The following KCNIP4 variants were observed in gnomAD, a reference collection of about 807,000 sequenced individuals.
The protein encoded by KCNIP4 is potassium voltage-gated channel interacting protein 4, also known as Kv channel-interacting protein 4.
A neutral mutation model predicts 34.0 loss-of-function variants in KCNIP4; 12 were observed. That is an observed-to-expected ratio of 0.35 (90% CI 0.23 to 0.57). The LOEUF is 0.57. Ranked by LOEUF, KCNIP4 falls within the 20% of genes least tolerant of loss-of-function variation. KCNIP4 has a pLI of 0.83. For missense variants in KCNIP4, 238 were observed against 311.7 expected, an observed-to-expected ratio of 0.76 and a Z score of 1.78; for synonymous variants, 124 against 102.2, an observed-to-expected ratio of 1.21 and a Z score of -1.29.
At chr4:21,312,641 T>C (rs1713309853) in intron 1 of KCNIP4, among the ~76,000 whole-genome samples, 1 of 152,226 alleles carries the variant, frequency 6.6e-6, no homozygotes, top group East Asian at 1.9e-4. Context: ...TTTAAACAGA[T>C]TGGGAATAGA....
At chr4:21,596,048 T>C (rs1311008276) in intron 1 of KCNIP4, among the ~76,000 whole-genome samples, 1 of 152,088 alleles carries the variant, frequency 6.6e-6, no homozygotes, top group Non-Finnish European at 1.5e-5. Context: ...GACACTTAGT[T>C]TGTCCTTAGC....
At chr4:20,985,502 G>A (rs183525647) in intron 1 of KCNIP4, among the ~76,000 whole-genome samples, 56 of 152,178 alleles carry the variant, frequency 3.7e-4, no homozygotes, top group African/African-American at 1.3e-3. Flanking sequence ...GCATGAAGAG[G>A]TTAACTGACT....
chr4:20,812,921 T>C lies in KCNIP4; in HGVS notation c.288+37622A>G, dbSNP rs1449302987. Reference sequence around the variant, plus strand: ...TCTGGGACTGCGTACCTCCAATTTCTTGTTTGTGTGTGAGTGTGTGTGTGT... The same window carrying C: ...TCTGGGACTGCGTACCTCCAATTTCCTGTTTGTGTGTGAGTGTGTGTGTGT... On this transcript the variant is annotated intron_variant, in intron 3 of 8. Transcript: ENST00000382152. Among the ~76,000 whole-genome samples, 4 of 137,164 alleles carry C rather than the reference T, an allele frequency of 2.9e-5. No individual in the cohort carries two copies. In the South Asian group the frequency reaches 7.3e-4, roughly 25 times the overall value. The allele number at this position is 137,164 out of a possible 152,430, so 90.0% of individuals were successfully genotyped here. A position where few individuals can be genotyped will look rare whatever the true frequency, so the allele number is the denominator to read the frequency against.
intron 1 of KCNIP4, among the ~76,000 whole-genome samples, chr4:21,306,824 T>C (rs920275486): frequency 1.3e-5 from 2 of 151,992 alleles, no homozygotes; most frequent in Non-Finnish European, 2.9e-5. Flanking sequence ...GCAGGAACTT[T>C]TTTTTTTTTT....
rs536038450 is a variant in KCNIP4, at chr4:20,781,916, C to G, written c.289-23026G>C. On this transcript the variant is annotated intron_variant, in intron 3 of 8. Transcript: ENST00000382152. ...CTGAGGAAAGGCAAGTCCCTTCTGC[C>G]TATGAGCCTGTAAAATCACAAGCAA... is the stretch of plus-strand genomic sequence containing the variant. 7.2e-5 allele frequency among the ~76,000 whole-genome samples: 11 copies of G among 152,236 alleles called. 1 individual carries two copies. The East Asian group carries it at 2.1e-3, about 29-fold the overall frequency.
intron 1 of KCNIP4, among the ~76,000 whole-genome samples, chr4:21,482,410 T>C (rs528914744): frequency 1.3e-5 from 2 of 152,198 alleles, no homozygotes; most frequent in Non-Finnish European, 2.9e-5. Flanking sequence ...CTAGCCTTGA[T>C]GGTCTTTACA....
intron 1 of KCNIP4, among the ~76,000 whole-genome samples, chr4:21,463,163 T>A (rs1040621255): frequency 6.6e-6 from 1 of 152,136 alleles, no homozygotes; most frequent in African/African-American, 2.4e-5. Context: ...TTTCTCCACA[T>A]CCTTCCCAAC....
At chr4:21,394,731 G>C (rs886107043) in intron 1 of KCNIP4, among the ~76,000 whole-genome samples, 1 of 152,076 alleles carries the variant, frequency 6.6e-6, no homozygotes, top group Non-Finnish European at 1.5e-5. Flanking sequence ...GCTCCCTATA[G>C]ATCATCCTTT....
At chr4:21,339,016 C>T (rs888530508) in intron 1 of KCNIP4, among the ~76,000 whole-genome samples, 4 of 152,054 alleles carry the variant, frequency 2.6e-5, no homozygotes, top group East Asian at 1.9e-4. Flanking sequence ...TAAACACCAC[C>T]GAGCTTATGT....
intron 1 of KCNIP4, among the ~76,000 whole-genome samples, chr4:21,190,598 T>C (rs965542930): frequency 3.3e-5 from 5 of 152,040 alleles, no homozygotes; most frequent in Non-Finnish European, 5.9e-5. Flanking sequence ...GAAAGATGAA[T>C]GAAACCCAAA....
chr4:21,715,090 T>TTTATTTTATTTTATTTTATTTTATTTTA (rs1553924052), intron 1 of KCNIP4, among the ~76,000 whole-genome samples: 1 of 17,364 alleles, frequency 5.8e-5, no homozygotes, highest in Non-Finnish European at 7.9e-5. Flanking sequence ...TTTTATTTTA[T>TTTATTTTATTTTATTTTATTTTATTTTA]TTATTTTTGA....
chr4:21,452,673 A>G (rs28711845), intron 1 of KCNIP4, among the ~76,000 whole-genome samples: 3,801 of 152,008 alleles, frequency 0.025, 168 homozygotes, highest in African/African-American at 0.088. Context: ...CATCACCATT[A>G]TTAGTAGTAC....
intron 1 of KCNIP4, among the ~76,000 whole-genome samples, chr4:21,343,367 G>A (rs568624858): frequency 7.2e-5 from 11 of 152,148 alleles, no homozygotes; most frequent in Non-Finnish European, 1.5e-4. Context: ...AAAAAGTGAG[G>A]AGAGATGCCA....
At chr4:21,918,939 A>C (rs1728792807) in intron 1 of KCNIP4, among the ~76,000 whole-genome samples, 1 of 152,174 alleles carries the variant, frequency 6.6e-6, no homozygotes, top group African/African-American at 2.4e-5. Flanking sequence ...ATCTGGGTAG[A>C]CCTGTGAAGT....
chr4:21,548,584 A>G (rs1012772026), intron 1 of KCNIP4, among the ~76,000 whole-genome samples: 1 of 152,124 alleles, frequency 6.6e-6, no homozygotes. Flanking sequence ...GTCTAAAAAA[A>G]AAAAGCAAAC....
chr4:21,504,487 G>GAAAA (rs1733657338), intron 1 of KCNIP4, among the ~76,000 whole-genome samples: 1 of 91,848 alleles, frequency 1.1e-5, no homozygotes, highest in Non-Finnish European at 2.1e-5. Context: ...AAGAAAGAAA[G>GAAAA]AAAGAAAGAA....
chr4:21,922,631 G>T (rs1419033253), intron 1 of KCNIP4, among the ~76,000 whole-genome samples: 1 of 152,070 alleles, frequency 6.6e-6, no homozygotes, highest in Non-Finnish European at 1.5e-5. Context: ...TTATCTAGTG[G>T]TACAGAATGG....
chr4:20,760,989 C>T (rs530805562), intron 3 of KCNIP4, among the ~76,000 whole-genome samples: 25 of 152,228 alleles, frequency 1.6e-4, no homozygotes, highest in Middle Eastern at 6.8e-3. Flanking sequence ...TGCAAAATTG[C>T]GGCTTTTGCT....
chr4:20,891,283 A>G (rs35681987), intron 1 of KCNIP4, among the ~76,000 whole-genome samples: 20,935 of 152,102 alleles, frequency 0.14, 1,573 homozygotes, highest in South Asian at 0.23. Flanking sequence ...GTTTCTACAG[A>G]TCTGGTGTCT....
Sources: allele counts gnomAD v4.1 joint callset (sites outside exome capture counted in the v4.1 genomes callset), GRCh38; gene constraint gnomAD v4.1.1; transcripts MANE v1.5; gene names NCBI Gene and HGNC (gene_info 2026-07-23, HGNC 2026-07-21).